ERBB4: variants seen among roughly 807,000 people sequenced by gnomAD.
ERBB4 encodes receptor tyrosine-protein kinase erbB-4.
ERBB4 carries 42 observed loss-of-function variants against 158.0 expected under a neutral mutation model. The ratio of observed to expected loss-of-function variants is 0.27; its 90% confidence interval spans 0.21 to 0.34. The LOEUF is 0.34. ERBB4 is among the 10% of genes least tolerant of loss of function. The probability of loss-of-function intolerance (pLI) is 1.00; values close to 1 mark genes in which losing one functional copy is unlikely to be tolerated. For missense variants in ERBB4, 1,333 were observed against 1,624.1 expected, an observed-to-expected ratio of 0.82 and a Z score of 3.08; for synonymous variants, 583 against 558.7, an observed-to-expected ratio of 1.04 and a Z score of -0.61.
intron 2 of ERBB4, among the ~76,000 whole-genome samples, chr2:212,100,689 G>A (rs1435603586): frequency 2.0e-5 from 3 of 152,110 alleles, no homozygotes; most frequent in Non-Finnish European, 4.4e-5. Context: ...TATGGTATGA[G>A]GAATGAAATA....
At chr2:212,089,137 C>T (rs1288191173) in intron 2 of ERBB4, among the ~76,000 whole-genome samples, 1 of 152,030 alleles carries the variant, frequency 6.6e-6, no homozygotes, top group Non-Finnish European at 1.5e-5. Flanking sequence ...TAATATAAGA[C>T]TATATACAAA....
chr2:211,715,448 C>G (rs886755278), intron 7 of ERBB4, among the ~76,000 whole-genome samples: 1 of 152,182 alleles, frequency 6.6e-6, no homozygotes, highest in African/African-American at 2.4e-5. Flanking sequence ...CAGGTGCATA[C>G]ATGATATTAA....
At chr2:212,369,529 ATTCT>A (rs1401552008) in intron 1 of ERBB4, among the ~76,000 whole-genome samples, 1 of 152,018 alleles carries the variant, frequency 6.6e-6, no homozygotes, top group Non-Finnish European at 1.5e-5. Flanking sequence ...ATCTCTACTT[ATTCT>A]TTCTTTTTTA....
At chr2:212,000,584 C>G (rs890506540) in intron 2 of ERBB4, among the ~76,000 whole-genome samples, 2 of 151,504 alleles carry the variant, frequency 1.3e-5, no homozygotes, top group Non-Finnish European at 3.0e-5. Context: ...GAATTAGGAG[C>G]CTATAAGAAA....
At chr2:211,679,293 G>T in intron 12 of ERBB4, 109 bp from the exon 13 acceptor site, 2 of 1,293,176 alleles carry the variant, frequency 1.5e-6, no homozygotes, top group Non-Finnish European at 2.2e-6. Context: ...GAGATATATG[G>T]CAAATGACTT....
chr2:211,743,584 C>A (rs1423662566), intron 5 of ERBB4, among the ~76,000 whole-genome samples: 1 of 152,146 alleles, frequency 6.6e-6, no homozygotes, highest in Non-Finnish European at 1.5e-5. Flanking sequence ...AAACCTTAGT[C>A]TCTCTCATAC....
intron 1 of ERBB4, among the ~76,000 whole-genome samples, chr2:212,447,844 T>C (rs938910901): frequency 1.3e-5 from 2 of 151,750 alleles, no homozygotes; most frequent in African/African-American, 2.4e-5. Context: ...TTCTTCAACA[T>C]TGGTCTTCAA....
intron 1 of ERBB4, among the ~76,000 whole-genome samples, chr2:212,418,814 T>G (rs1192218852): frequency 6.6e-6 from 1 of 151,816 alleles, no homozygotes; most frequent in East Asian, 1.9e-4. Context: ...AACACTAGAT[T>G]TTAATGTAAG....
At chr2:212,201,466 G>A (rs1373522214) in intron 1 of ERBB4, among the ~76,000 whole-genome samples, 1 of 151,986 alleles carries the variant, frequency 6.6e-6, no homozygotes, top group Admixed American at 6.6e-5. Context: ...ATCCTGGGTG[G>A]ATTTTATTTT....
At chr2:211,540,366 G>T (rs942525173) in intron 20 of ERBB4, among the ~76,000 whole-genome samples, 5 of 151,720 alleles carry the variant, frequency 3.3e-5, no homozygotes, top group Non-Finnish European at 7.4e-5. Context: ...AGAGCAACTC[G>T]TACACATAAT....
intron 2 of ERBB4, among the ~76,000 whole-genome samples, chr2:212,073,979 T>A: frequency 6.6e-6 from 1 of 151,990 alleles, no homozygotes; most frequent in Non-Finnish European, 1.5e-5. Context: ...CGAGAAAGTA[T>A]TCCTCACATT....
chr2:212,046,590 A>C (rs111256503), intron 2 of ERBB4, among the ~76,000 whole-genome samples: 1 of 152,220 alleles, frequency 6.6e-6, no homozygotes, highest in African/African-American at 2.4e-5. Flanking sequence ...TCATCAATTA[A>C]TAGGACATTC....
chr2:211,444,248 C>T (rs999815567), intron 20 of ERBB4, among the ~76,000 whole-genome samples: 1 of 151,284 alleles, frequency 6.6e-6, no homozygotes, highest in Non-Finnish European at 1.5e-5. Context: ...TTAAAAAAAT[C>T]ACTAAAGAGA....
At chr2:212,134,777 G>A (rs572789552) in intron 1 of ERBB4, among the ~76,000 whole-genome samples, 6 of 148,190 alleles carry the variant, frequency 4.0e-5, no homozygotes, top group South Asian at 4.3e-4. Context: ...TCTGCCTCCC[G>A]GGTTCATGCC....
intron 2 of ERBB4, among the ~76,000 whole-genome samples, chr2:212,061,549 AC>A (rs1467246091): frequency 2.0e-5 from 3 of 149,184 alleles, no homozygotes; most frequent in Non-Finnish European, 3.0e-5. Flanking sequence ...CATTCATTAC[AC>A]TTCAATACCC....
At chr2:211,967,386 T>C (rs573490300) in intron 2 of ERBB4, among the ~76,000 whole-genome samples, 1 of 152,186 alleles carries the variant, frequency 6.6e-6, no homozygotes, top group African/African-American at 2.4e-5. Flanking sequence ...ATGGTAAAAA[T>C]AAACAATTTT....
chr2:211,916,824 T>G (rs1335124665), intron 3 of ERBB4, among the ~76,000 whole-genome samples: 1 of 152,180 alleles, frequency 6.6e-6, no homozygotes, highest in South Asian at 2.1e-4. Context: ...GAATGTTTAA[T>G]AGGAAAGACA....
At chr2:212,274,012 C>A (rs1211503239) in intron 1 of ERBB4, among the ~76,000 whole-genome samples, 2 of 151,758 alleles carry the variant, frequency 1.3e-5, no homozygotes, top group African/African-American at 4.8e-5. Context: ...ATAACATCAA[C>A]AGTAGATTAA....
intron 1 of ERBB4, among the ~76,000 whole-genome samples, chr2:212,418,542 T>C (rs1283724218): frequency 6.6e-6 from 1 of 150,658 alleles, no homozygotes; most frequent in Non-Finnish European, 1.5e-5. Flanking sequence ...TAAACATATA[T>C]ATATATATGT....
Sources: gnomAD v4.1 joint callset for allele counts (sites outside exome capture counted in the v4.1 genomes callset) on GRCh38, gnomAD v4.1.1 for gene constraint, MANE v1.5 for transcripts, NCBI Gene and HGNC (gene_info 2026-07-23, HGNC 2026-07-21) for gene names.